Variants in CCSER2 observed in about 807,000 individuals in gnomAD.
The protein encoded by CCSER2 is serine-rich coiled-coil domain-containing protein 2.
CCSER2 carries 46 observed loss-of-function variants against 92.3 expected under a neutral mutation model. The observed-to-expected ratio is 0.50, with a 90% CI of 0.39 to 0.64. CCSER2 has a LOEUF of 0.64. Among genes scored for constraint, CCSER2 ranks in the 30% least tolerant of loss-of-function variants. CCSER2 has a pLI of 0.00. For synonymous variants in CCSER2, 433 were observed against 431.4 expected, an observed-to-expected ratio of 1.00 and a Z score of -0.04; for missense variants, 1,244 against 1,238.9, an observed-to-expected ratio of 1.00 and a Z score of -0.06.
At chr10:84,502,931 T>G (rs755420561) in intron 9 of CCSER2, among the ~76,000 whole-genome samples, 2 of 151,960 alleles carry the variant, frequency 1.3e-5, no homozygotes, top group Non-Finnish European at 2.9e-5. Context: ...CGTTGAAGAA[T>G]ATAGGAAAAT....
intron 1 of CCSER2, among the ~76,000 whole-genome samples, chr10:84,350,753 G>A (rs55824660): frequency 0.12 from 18,871 of 152,144 alleles, 1,469 homozygotes; most frequent in Admixed American, 0.23. Context: ...AGTTCTGCCC[G>A]TTTGTCACAA....
Position 84,371,732 on chromosome 10 carries a change from C to G in CCSER2, c.680C>G (p.Ser227Cys), listed in dbSNP as rs773087258. Residue 227 changes from serine to cysteine, a missense_variant, in exon 2 of 10, where the codon TCC (serine) becomes TGC (cysteine). By Grantham distance (112) the Ser-to-Cys change is moderately radical. Coordinates refer to ENST00000372088, the MANE Select transcript of CCSER2 (RefSeq NM_001284240.2). Reference sequence around the variant, plus strand: ...GTAAGGTCACAAAGTTTTTCACATTCCATTCAGAATTCATTCCTTCCACCT... The same window carrying G: ...GTAAGGTCACAAAGTTTTTCACATTGCATTCAGAATTCATTCCTTCCACCT... The part of the protein sequence containing the change: ...KMVRSQSFSH[S>C]IQNSFLPPSS... The G allele has an allele frequency of 1.2e-6, 2 of 1,613,372 alleles. No individual in the cohort carries two copies. Among genetic ancestry groups the G allele is most frequent in the Non-Finnish European group, 1.7e-6 (2 of 1,179,636 alleles).
intron 4 of CCSER2, chr10:84,425,013 A>C (rs879487880): frequency 4.1e-6 from 4 of 983,820 alleles, no homozygotes; most frequent in Non-Finnish European, 3.6e-6. Flanking sequence ...TAACTCTCTT[A>C]GTGAGTGCTC....
At chr10:84,359,356 CA>C (rs1272896696) in intron 1 of CCSER2, among the ~76,000 whole-genome samples, 1 of 151,924 alleles carries the variant, frequency 6.6e-6, no homozygotes, top group Non-Finnish European at 1.5e-5. Context: ...ATGTGAGGGT[CA>C]GGTCAAGAAC....
intron 6 of CCSER2, among the ~76,000 whole-genome samples, chr10:84,463,345 A>C (rs749144561): frequency 6.6e-6 from 1 of 152,148 alleles, no homozygotes; most frequent in African/African-American, 2.4e-5. Context: ...TAGGTTCCCT[A>C]ATGTTCCTTC....
intron 3 of CCSER2, among the ~76,000 whole-genome samples, chr10:84,394,129 A>G (rs1458612924): frequency 6.6e-6 from 1 of 152,166 alleles, no homozygotes; most frequent in Non-Finnish European, 1.5e-5. Context: ...AAACATAATT[A>G]TATTTTTCTT....
rs139177738 is a variant in CCSER2, at chr10:84,433,434, TACAC to T, written c.1869-5064_1869-5061del. 6.6e-5 allele frequency among the ~76,000 whole-genome samples: 10 copies of T among 150,628 alleles called. No homozygotes were observed. In the East Asian group the frequency reaches 7.8e-4, roughly 12 times the overall value. On this transcript the variant is annotated intron_variant, in intron 5 of 9. Transcript: ENST00000372088. ...GAAAAATCTCCCCACCCCACACACA[TACAC>T]ACACACACACACATACACAAGTATA...
chr10:84,363,147 ATTTTTTT>A (rs1182773588), intron 1 of CCSER2, among the ~76,000 whole-genome samples: 1 of 84,376 alleles, frequency 1.2e-5, no homozygotes, highest in Non-Finnish European at 2.2e-5. Flanking sequence ...ACACCCAGCT[ATTTTTTT>A]TTTTTTTTTT....
rs188272909 is a variant in CCSER2 at position 84,390,018 on chromosome 10, A to G, written c.1614+16203A>G. Among the ~76,000 whole-genome samples, 19 of 152,276 alleles carry G rather than the reference A, an allele frequency of 1.2e-4. No homozygotes were observed. The East Asian group carries it at 2.3e-3, about 19-fold the overall frequency. ...TTGGGGGCTAGATGTGCTCACTGCTATTGAAAAGTTGCTGCTCATAGGCAT... is the reference window on the plus strand; with the variant it reads ...TTGGGGGCTAGATGTGCTCACTGCTGTTGAAAAGTTGCTGCTCATAGGCAT... On this transcript the variant is annotated intron_variant, in intron 3 of 9. Transcript: ENST00000372088.
intron 3 of CCSER2, among the ~76,000 whole-genome samples, chr10:84,416,558 G>T (rs988422042): frequency 6.6e-6 from 1 of 152,074 alleles, no homozygotes; most frequent in African/African-American, 2.4e-5. Context: ...GAATGTATTT[G>T]CATGGAACAC....
At chr10:84,370,540 A>G (rs1386913174) in intron 1 of CCSER2, among the ~76,000 whole-genome samples, 2 of 152,122 alleles carry the variant, frequency 1.3e-5, no homozygotes, top group Non-Finnish European at 2.9e-5. Context: ...TTTTCTAGAT[A>G]TATAATCATA....
At chr10:84,439,458 G>T (rs1242551647) in intron 6 of CCSER2, among the ~76,000 whole-genome samples, 1 of 152,168 alleles carries the variant, frequency 6.6e-6, no homozygotes. Context: ...AGTTAAGAAA[G>T]AACAGCCTGA....
At chr10:84,438,745 G>GC in intron 6 of CCSER2, 38 bp downstream of exon 6, 1 of 1,281,588 alleles carries the variant, frequency 7.8e-7, no homozygotes, top group Non-Finnish European at 1.1e-6. Context: ...CTGATATTTT[G>GC]AATTGCAAAA....
intron 9 of CCSER2, among the ~76,000 whole-genome samples, chr10:84,507,587 C>T (rs908678944): frequency 3.3e-5 from 5 of 152,112 alleles, no homozygotes; most frequent in African/African-American, 1.2e-4. Context: ...TAGAACATTT[C>T]CTGCTTTCTA....
At chr10:84,457,248 A>G (rs1845694032) in intron 6 of CCSER2, among the ~76,000 whole-genome samples, 1 of 63,610 alleles carries the variant, frequency 1.6e-5, no homozygotes, top group Non-Finnish European at 2.8e-5. Context: ...TATATATTAT[A>G]TATTATATAA....
intron 3 of CCSER2, among the ~76,000 whole-genome samples, chr10:84,375,164 T>G (rs1262827263): frequency 1.3e-5 from 2 of 152,182 alleles, no homozygotes; most frequent in African/African-American, 4.8e-5. Context: ...CCACCTTGAT[T>G]CAGTTCATTG....
chr10:84,331,296 C>G (rs1421493026), intron 1 of CCSER2, among the ~76,000 whole-genome samples: 1 of 152,136 alleles, frequency 6.6e-6, no homozygotes, highest in East Asian at 1.9e-4. Flanking sequence ...CTTGCACTTT[C>G]TCCCTCTTTG....
intron 3 of CCSER2, among the ~76,000 whole-genome samples, chr10:84,396,088 G>T (rs949464188): frequency 7.2e-5 from 11 of 152,096 alleles, no homozygotes; most frequent in East Asian, 3.9e-4. Context: ...AAATGCCACA[G>T]AATTTGTTCT....
At chr10:84,469,066 G>T (rs1326209210) in intron 7 of CCSER2, among the ~76,000 whole-genome samples, 8 of 152,098 alleles carry the variant, frequency 5.3e-5, no homozygotes, top group African/African-American at 1.9e-4. Flanking sequence ...GATCTTAAAT[G>T]TTTAGACAGG....
Sources: gnomAD v4.1 joint callset for allele counts (sites outside exome capture counted in the v4.1 genomes callset) on GRCh38, gnomAD v4.1.1 for gene constraint, MANE v1.5 for transcripts, NCBI Gene and HGNC (gene_info 2026-07-23, HGNC 2026-07-21) for gene names.